The following DACH2 variants were observed in gnomAD, a reference collection of about 807,000 sequenced individuals.
The protein encoded by DACH2 is dachshund homolog 2.
Under a neutral mutation model 35.8 loss-of-function variants are expected in DACH2, and 17 were observed. That is an observed-to-expected ratio of 0.48 (90% confidence interval 0.33 to 0.71). The LOEUF (loss-of-function observed/expected upper bound fraction) is 0.71, where lower values mean the gene tolerates loss of function less well. Ranked by LOEUF, DACH2 falls within the 30% of genes least tolerant of loss-of-function variation. The pLI is 0.02. For synonymous variants in DACH2, 195 were observed against 177.3 expected, an observed-to-expected ratio of 1.10 and a Z score of -0.79; for missense variants, 469 against 472.7, an observed-to-expected ratio of 0.99 and a Z score of 0.07.
chrX:86,157,801 T>C (rs2030600404), intron 1 of DACH2, among the ~76,000 whole-genome samples: 1 of 111,703 alleles, frequency 9.0e-6, no homozygotes, highest in South Asian at 3.7e-4. Context: ...TTACGAACAG[T>C]ATTTAGAAAA....
chrX:86,716,987 A>G (rs2041344235), intron 6 of DACH2, among the ~76,000 whole-genome samples: 1 of 112,182 alleles, frequency 8.9e-6, no homozygotes, highest in African/African-American at 3.2e-5. Context: ...ACACAAATAC[A>G]CAGAAACCAT....
chrX:86,398,042 A>C (rs760629407), intron 2 of DACH2, among the ~76,000 whole-genome samples: 1 of 111,853 alleles, frequency 8.9e-6, no homozygotes, highest in Admixed American at 9.5e-5. Context: ...TTGGTAAGCT[A>C]TTAATTATTG....
chrX:86,674,139 C>T (rs755186255), intron 4 of DACH2, among the ~76,000 whole-genome samples: 19 of 112,498 alleles, frequency 1.7e-4, no homozygotes, highest in Non-Finnish European at 3.0e-4. Context: ...TAACCCTCAG[C>T]TCTTCTCTTT....
chrX:86,315,299 C>A (rs955760250), intron 1 of DACH2, among the ~76,000 whole-genome samples: 1 of 112,083 alleles, frequency 8.9e-6, no homozygotes, highest in African/African-American at 3.2e-5. Flanking sequence ...GCTATTGAAA[C>A]CTACTGTTCA....
chrX:86,810,357 A>C (rs757218167), intron 7 of DACH2, among the ~76,000 whole-genome samples: 1 of 112,033 alleles, frequency 8.9e-6, no homozygotes, highest in Admixed American at 9.5e-5. Context: ...TGAATTCATT[A>C]TTTTAAGAAC....
intron 3 of DACH2, among the ~76,000 whole-genome samples, chrX:86,542,301 G>A (rs890722145): frequency 1.5e-4 from 17 of 111,524 alleles, no homozygotes; most frequent in African/African-American, 5.6e-4. Flanking sequence ...TTACTGGGAG[G>A]TGTTTGGGCC....
intron 2 of DACH2, among the ~76,000 whole-genome samples, chrX:86,499,787 G>T (rs1441935042): frequency 8.9e-6 from 1 of 111,918 alleles, no homozygotes; most frequent in Middle Eastern, 4.2e-3. Flanking sequence ...AGCTCAAAAA[G>T]AATTATTTGA....
intron 3 of DACH2, among the ~76,000 whole-genome samples, chrX:86,614,609 G>A (rs902951824): frequency 9.0e-6 from 1 of 110,945 alleles, no homozygotes; most frequent in Non-Finnish European, 1.9e-5. Flanking sequence ...AGATTTTTTA[G>A]TTTGATGACA....
intron 1 of DACH2, among the ~76,000 whole-genome samples, chrX:86,259,553 T>C (rs182037903): frequency 9.0e-6 from 1 of 111,662 alleles, no homozygotes; most frequent in East Asian, 2.8e-4. Context: ...ACACAATGAT[T>C]CATTACCTTT....
intron 4 of DACH2, among the ~76,000 whole-genome samples, chrX:86,685,707 G>T (rs770534428): frequency 9.0e-6 from 1 of 111,160 alleles, no homozygotes; most frequent in East Asian, 2.8e-4. Context: ...GGAAGGCAAA[G>T]GGGGAATAGG....
chrX:86,600,850 C>A (rs1461225537), intron 3 of DACH2, among the ~76,000 whole-genome samples: 6 of 111,206 alleles, frequency 5.4e-5, no homozygotes, highest in Non-Finnish European at 7.5e-5. Context: ...CACTTCCACT[C>A]CTGTGTGTGC....
intron 7 of DACH2, among the ~76,000 whole-genome samples, chrX:86,753,467 A>G (rs772855874): frequency 8.9e-6 from 1 of 111,941 alleles, no homozygotes; most frequent in Admixed American, 9.5e-5. Flanking sequence ...ATGACAATAG[A>G]TCAGACCTGA....
chrX:86,436,789 G>A (rs889740246), intron 2 of DACH2, among the ~76,000 whole-genome samples: 3 of 111,335 alleles, frequency 2.7e-5, no homozygotes, highest in Non-Finnish European at 5.7e-5. Context: ...ATTTTGGAAG[G>A]TTATTGTTTA....
chrX:86,350,247 G>A (rs2035572097), intron 1 of DACH2, among the ~76,000 whole-genome samples: 1 of 41,739 alleles, frequency 2.4e-5, no homozygotes, highest in Non-Finnish European at 4.0e-5. Flanking sequence ...AAATTTGTTT[G>A]AGTTCATTGT....
chrX:86,149,879 G>A (rs763939946), intron 1 of DACH2, among the ~76,000 whole-genome samples: 2 of 111,978 alleles, frequency 1.8e-5, no homozygotes, highest in African/African-American at 3.2e-5. Flanking sequence ...GGCTGGGACT[G>A]GATTGGAGGT....
chrX:86,316,642 C>G (rs1036335992), intron 1 of DACH2, among the ~76,000 whole-genome samples: 4 of 111,419 alleles, frequency 3.6e-5, no homozygotes, highest in Non-Finnish European at 5.7e-5. Flanking sequence ...ATGACTTCTT[C>G]AGGCTACTTT....
intron 11 of DACH2, chrX:86,830,501 T>C (rs992514507): frequency 1.3e-4 from 14 of 111,716 alleles, no homozygotes; most frequent in African/African-American, 4.5e-4. Flanking sequence ...CTATTCCTAA[T>C]AGGCCTTGTA....
chrX:86,657,343 AT>A (rs1363521524), intron 4 of DACH2, among the ~76,000 whole-genome samples: 7 of 111,338 alleles, frequency 6.3e-5, no homozygotes, highest in Non-Finnish European at 1.1e-4. Context: ...CTGTATCAAA[AT>A]ATCTCATGTA....
At chrX:86,775,634 G>A (rs1249873691) in intron 7 of DACH2, among the ~76,000 whole-genome samples, 2 of 111,516 alleles carry the variant, frequency 1.8e-5, no homozygotes, top group Non-Finnish European at 3.8e-5. Flanking sequence ...ATGTTCAGAG[G>A]CTAATAATGT....
Sources: gnomAD v4.1 joint callset for allele counts (sites outside exome capture counted in the v4.1 genomes callset) on GRCh38, gnomAD v4.1.1 for gene constraint, MANE v1.5 for transcripts, NCBI Gene and HGNC (gene_info 2026-07-23, HGNC 2026-07-21) for gene names.